Variants in ARMC6 observed in about 807,000 individuals in gnomAD.
ARMC6 encodes armadillo repeat-containing protein 6.
A neutral mutation model predicts 49.2 loss-of-function variants in ARMC6; 43 were observed. The observed-to-expected ratio is 0.87, with a 90% confidence interval of 0.69 to 1.13. ARMC6 has a LOEUF of 1.13. ARMC6 is among the 50% of genes most tolerant of loss of function. The pLI is 0.00. For synonymous variants in ARMC6, 262 were observed against 289.6 expected (o/e 0.90, Z 0.97); for missense variants, 627 against 682.0 (o/e 0.92, Z 0.90).
chr19:19,057,860 G>T lies in ARMC6; in HGVS notation c.*232G>T. Reference sequence around the variant, plus strand: ...ACTTCTGGGTCCCAGCCAGCAGCACGGATGTTACTGTCCTGCTCCTTCCCC... The same window carrying T: ...ACTTCTGGGTCCCAGCCAGCAGCACTGATGTTACTGTCCTGCTCCTTCCCC... On this transcript the variant is annotated 3_prime_UTR_variant, in exon 9 of 9. Coordinates refer to ENST00000535612, the MANE Select transcript of ARMC6 (RefSeq NM_001199196.2). The T allele has an allele frequency of 1.4e-6, 1 of 696,894 alleles. No individual in the cohort carries two copies. Among genetic ancestry groups the T allele is most frequent in the Non-Finnish European group, 2.6e-6 (1 of 382,702 alleles). 43.2% of individuals were successfully genotyped at this position (696,894 alleles called of 1,614,324 possible). A position where few individuals can be genotyped will look rare whatever the true frequency, so the allele number is the denominator to read the frequency against.
In ARMC6 at chr19:19,055,805, C is replaced by T; in HGVS notation, c.1170C>T (p.Ser390=). The T allele has an allele frequency of 1.3e-6, 2 of 1,587,978 alleles. No individual in the cohort carries two copies. Among genetic ancestry groups the T allele is most frequent in the Non-Finnish European group, 1.7e-6 (2 of 1,162,676 alleles). ...HLTSPQVCEQ[S]CAALCFLALR... ...GGCCCCTGCAGGTGTGTGAGCAGAG[C>T]TGCGCGGCCCTGTGCTTCCTGGCCC... The change falls in exon 8 of 9, where the codon AGC becomes AGT. Residue 390 remains serine (S), a synonymous_variant. Coordinates refer to ENST00000535612, the MANE Select transcript of ARMC6 (RefSeq NM_001199196.2). The surrounding 1 kb of genome is among the most constrained non-coding windows in gnomAD (Gnocchi z 5.7).
At chr19:19,047,348 A>T (rs188674261) in intron 4 of ARMC6, among the ~76,000 whole-genome samples, 1 of 152,270 alleles carries the variant, frequency 6.6e-6, no homozygotes, top group Non-Finnish European at 1.5e-5. Flanking sequence ...TGTGTAAAAA[A>T]TGCTTATCTG....
At chr19:19,039,770 T>G (rs1453204314) in intron 2 of ARMC6, among the ~76,000 whole-genome samples, 1 of 152,206 alleles carries the variant, frequency 6.6e-6, no homozygotes, top group African/African-American at 2.4e-5. Context: ...GCACAGACCA[T>G]TTTATCCATT....
rs755840853 is a variant in ARMC6 at position 19,057,595 on chromosome 19, G to A, written c.1473G>A (p.Leu491=). Residue 491 remains leucine, a synonymous_variant, in exon 9 of 9, where the codon CTG becomes CTA. Coordinates refer to ENST00000535612, the MANE Select transcript of ARMC6 (RefSeq NM_001199196.2). The stretch of plus-strand genomic sequence containing the variant: ...GTTGTCATGTCGAGCTCCGAGAGCT[G>A]TGGACAGGCCAGAGGGGCAACCTGG... ...DLGCHVELRE[L]WTGQRGNLAP is the part of the protein sequence containing the mutation. The A allele has an allele frequency of 3.7e-6, 6 of 1,613,256 alleles. No individual in the cohort carries two copies. The African/African-American group carries it at 5.3e-5, about 14-fold the overall frequency.
At chr19:19,044,128 C>T (rs895852218) in intron 4 of ARMC6, 54 bp downstream of exon 4, 3 of 1,527,444 alleles carry the variant, frequency 2.0e-6, no homozygotes, top group South Asian at 1.1e-5. Flanking sequence ...TCTGGGGGCA[C>T]CTCTTCCCTG....
At chr19:19,050,707 A>G (rs998232967) in intron 4 of ARMC6, among the ~76,000 whole-genome samples, 11 of 152,180 alleles carry the variant, frequency 7.2e-5, no homozygotes, top group African/African-American at 2.7e-4. Flanking sequence ...ACCTTTTTAA[A>G]TATCCTGTTG....
At chr19:19,050,007 GA>G (rs2059483037) in intron 4 of ARMC6, among the ~76,000 whole-genome samples, 1 of 152,052 alleles carries the variant, frequency 6.6e-6, no homozygotes, top group South Asian at 2.1e-4. Flanking sequence ...CTGGGTGACA[GA>G]GGAAGACTCC....
intron 4 of ARMC6, among the ~76,000 whole-genome samples, chr19:19,046,927 G>GT (rs386388691): frequency 0.054 from 5,670 of 104,212 alleles, 393 homozygotes; most frequent in African/African-American, 0.14. Context: ...ATGCTCACCT[G>GT]TTTTTTTTTT....
Position 19,051,868 on chromosome 19 carries a change from C to G in ARMC6, c.526C>G (p.Gln176Glu). The G allele has an allele frequency of 6.2e-7, 1 of 1,614,162 alleles. No individual in the cohort carries two copies. The change falls in exon 5 of 9, where the codon CAG becomes GAG. Residue 176 changes from glutamine (Q) to glutamate (E), a missense_variant. Physicochemically the swap from Gln to Glu is conservative, Grantham distance 29. Coordinates refer to ENST00000535612, the MANE Select transcript of ARMC6 (RefSeq NM_001199196.2). ...TGGACAGCCAGACCTCCTGGATGCC[C>G]AGGGCCTGCAGCTCCTAGTGGCCAC... ...TDGQPDLLDA[Q>E]GLQLLVATLT... is the part of the protein sequence containing the mutation.
In ARMC6 at chr19:19,054,195, C is replaced by G; in HGVS notation, c.897C>G (p.Thr299=). ...NPGILSELCG[T]LSRLAIRNEF... Reference sequence around the variant, plus strand: ...GCATCCTGAGCGAGCTCTGTGGAACCCTGTCCCGCCTGGCCATTCGCAACG... The same window carrying G: ...GCATCCTGAGCGAGCTCTGTGGAACGCTGTCCCGCCTGGCCATTCGCAACG... Residue 299 remains threonine (T), a synonymous_variant, in exon 6 of 9, where the codon ACC becomes ACG. Transcript: ENST00000535612. 6.2e-7 allele frequency: 1 copy of G among 1,610,408 alleles called. No individual in the cohort carries two copies. The highest frequency in any genetic ancestry group is 8.5e-7 in the Non-Finnish European group (1 of 1,178,380).
chr19:19,052,742 T>A (rs1470507149), intron 5 of ARMC6, among the ~76,000 whole-genome samples: 1 of 152,144 alleles, frequency 6.6e-6, no homozygotes, highest in Admixed American at 6.5e-5. Context: ...AAAGTCCTGA[T>A]TGACACACAG....
At chr19:19,037,467 C>T in intron 2 of ARMC6, 2 of 380,062 alleles carry the variant, frequency 5.3e-6, no homozygotes, top group Non-Finnish European at 5.2e-6. Context: ...GCCTTGACCT[C>T]CCTGGGCTCC....
In ARMC6 at chr19:19,033,874, G is replaced by T. The variant is rs2059298041; in HGVS notation, c.-136G>T. On this transcript the variant is annotated 5_prime_UTR_variant, in exon 1 of 9. Coordinates refer to ENST00000535612, the MANE Select transcript of ARMC6 (RefSeq NM_001199196.2). ...ACGGCGGCCGGAAGGGGCTAGAGGCGGCTCCCTGGGTGACAACCGCGCGCC... is the reference window on the plus strand; with the variant it reads ...ACGGCGGCCGGAAGGGGCTAGAGGCTGCTCCCTGGGTGACAACCGCGCGCC... The T allele has an allele frequency of 4.2e-5, 15 of 358,086 alleles. No homozygotes were observed. In the South Asian group the frequency reaches 5.1e-4, roughly 12 times the overall value. 22.2% of individuals were successfully genotyped at this position (358,086 alleles called of 1,614,324 possible).
intron 8 of ARMC6, among the ~76,000 whole-genome samples, chr19:19,056,366 A>G (rs1300953532): frequency 1.3e-5 from 2 of 149,694 alleles, no homozygotes; most frequent in Non-Finnish European, 3.0e-5. Flanking sequence ...GGTTCAAGCG[A>G]TTCTCCTGTC....
intron 2 of ARMC6, among the ~76,000 whole-genome samples, chr19:19,042,176 C>G (rs1395920122): frequency 1.3e-5 from 2 of 152,194 alleles, no homozygotes; most frequent in East Asian, 3.8e-4. Context: ...GGATTATAGG[C>G]ATTGACCCAC....
At chr19:19,045,077 C>T (rs2039916826) in intron 4 of ARMC6, among the ~76,000 whole-genome samples, 1 of 152,144 alleles carries the variant, frequency 6.6e-6, no homozygotes, top group East Asian at 1.9e-4. Context: ...CTGGCGTGAT[C>T]TCAGCTCACT....
At chr19:19,056,434 G>A (rs2059545624) in intron 8 of ARMC6, among the ~76,000 whole-genome samples, 2 of 152,186 alleles carry the variant, frequency 1.3e-5, no homozygotes, top group South Asian at 2.1e-4. Context: ...GCTAATTTTT[G>A]TATTTTTAGT....
At position 19,052,108 on chromosome 19, in the gene ARMC6, C is replaced by T. The variant is rs761737299; in HGVS notation, c.766C>T (p.Arg256Cys). 30 of 1,613,808 alleles carry T rather than the reference C, an allele frequency of 1.9e-5. 1 individual carries two copies. Among genetic ancestry groups the T allele is most frequent in the East Asian group, 1.8e-4 (8 of 44,900 alleles). Residue 256 changes from arginine to cysteine, a missense_variant, in exon 5 of 9, where the codon CGT (arginine) becomes TGT (cysteine). Coordinates refer to ENST00000535612, the MANE Select transcript of ARMC6 (RefSeq NM_001199196.2). ...TGTCATGACCTTCGATGACGACATC[C>T]GTGTGCCCTTTGGCCATGCCCACAA... Reference protein sequence around the residue: ...LRVMTFDDDIRVPFGHAHNHA... With the variant: ...LRVMTFDDDICVPFGHAHNHA...
At position 19,052,060 on chromosome 19, in the gene ARMC6, A is replaced by G; in HGVS notation, c.718A>G (p.Arg240Gly). ...TCATGGCCACCACACTGACGTGGTC[A>G]GGGAAGCCTGCTGGGCCCTGCGTGT... ...THHGHHTDVV[R>G]EACWALRVMT... Residue 240 changes from arginine (R) to glycine (G), a missense_variant, in exon 5 of 9, where the codon AGG (arginine) becomes GGG (glycine). Coordinates refer to ENST00000535612, the MANE Select transcript of ARMC6 (RefSeq NM_001199196.2). The G allele has an allele frequency of 6.2e-7, 1 of 1,613,978 alleles. No homozygotes were observed.
Sources: allele counts gnomAD v4.1 joint callset (sites outside exome capture counted in the v4.1 genomes callset), GRCh38; gene constraint gnomAD v4.1.1; non-coding constraint Gnocchi (gnomAD v3.1); transcripts MANE v1.5; gene names NCBI Gene and HGNC (gene_info 2026-07-23, HGNC 2026-07-21).